SNAPC4: variants seen among roughly 807,000 people sequenced by gnomAD.
The protein encoded by SNAPC4 is snRNA-activating protein complex subunit 4.
In SNAPC4, 127 loss-of-function variants were observed where a neutral mutation model predicts 151.3. The observed-to-expected ratio is 0.84, with a 90% CI of 0.73 to 0.97. The LOEUF (loss-of-function observed/expected upper bound fraction) is 0.97, where lower values mean the gene tolerates loss of function less well. SNAPC4 is among the 50% of genes least tolerant of loss of function. SNAPC4 has a pLI of 0.00. For missense variants in SNAPC4, 2,186 were observed against 1,935.0 expected (o/e 1.13, Z -2.43); for synonymous variants, 1,002 against 824.4 (o/e 1.22, Z -3.69).
chr9:136,384,776 C>T lies in SNAPC4; in HGVS notation c.1364G>A (p.Arg455Gln), dbSNP rs1036022594. Residue 455 changes from arginine (R) to glutamine (Q), a missense_variant, in exon 14 of 24, where the codon CGG becomes CAG. Arg to Gln is a conservative substitution (Grantham distance 43). Coordinates refer to ENST00000684778, the MANE Select transcript of SNAPC4 (RefSeq NM_003086.4). ...RRLHFSLKKG[R>Q]WNLKEEEQLI... The stretch of plus-strand genomic sequence containing the variant: ...CTGTTCCTCTTCTTTTAAATTCCAC[C>T]GACCCTTTTTCAAGCTGAAATGTAA... 6 of 1,596,532 alleles carry T rather than the reference C, an allele frequency of 3.8e-6. No homozygotes were observed. Among genetic ancestry groups the T allele is most frequent in the Admixed American group, 1.7e-5 (1 of 58,180 alleles).
At chr9:136,394,156 C>T in intron 7 of SNAPC4, 93 bp downstream of exon 7, 1 of 1,003,520 alleles carries the variant, frequency 1.0e-6, no homozygotes, top group East Asian at 2.4e-5. Flanking sequence ...TTCAAGAGAT[C>T]CTCCTGCCTT....
chr9:136,378,456 C>A lies in SNAPC4; in HGVS notation c.3371G>T (p.Gly1124Val). The change falls in exon 22 of 24, where the codon GGC (glycine) becomes GTC (valine). Residue 1124 changes from glycine (G) to valine (V), a missense_variant. Transcript: ENST00000684778. The part of the protein sequence containing the change: ...PPLTETRAAQ[G>V]PRAPALSSSW... ...GCTGCTCAACGCTGGGGCCCTGGGG[C>A]CCTGGGCCGCCCGAGTCTCAGTCAG... 6.3e-7 allele frequency: 1 copy of A among 1,588,194 alleles called. No individual in the cohort carries two copies. The highest frequency in any genetic ancestry group is 8.5e-7 in the Non-Finnish European group (1 of 1,171,730).
At position 136,376,373 on chromosome 9, in the gene SNAPC4, G is replaced by A. The variant is rs200198458; in HGVS notation, c.4393C>T (p.Arg1465Trp). The A allele has an allele frequency of 2.6e-5, 42 of 1,613,258 alleles. No individual in the cohort carries two copies. Among genetic ancestry groups the A allele is most frequent in the South Asian group, 3.3e-5 (3 of 91,088 alleles). The change falls in exon 23 of 24, where the codon CGG becomes TGG. Residue 1465 changes from arginine (R) to tryptophan (W), a missense_variant. By Grantham distance (101) the Arg-to-Trp change is moderately radical (BLOSUM62 -3). Transcript: ENST00000684778. Reference protein sequence around the residue: ...RTRHARHTRKRRRLV With the variant: ...RTRHARHTRKWRRLV ...CCTGCTGCTCACACCAGCCGCCTCC[G>A]CTTCCGGGTGTGCCTGGCATGCCGG... is the stretch of plus-strand genomic sequence containing the variant.
intron 7 of SNAPC4, 45 bp from the exon 8 acceptor site, chr9:136,392,822 C>T (rs373333297): frequency 1.1e-5 from 16 of 1,519,480 alleles, no homozygotes; most frequent in East Asian, 2.3e-5. Context: ...ACGAGGGCTG[C>T]GGGGCGGGGC....
rs578050291 is a variant in SNAPC4 at position 136,387,975 on chromosome 9, G to T, written c.1124-127C>A. On this transcript the variant is annotated intron_variant, in intron 11 of 23. Coordinates refer to ENST00000684778, the MANE Select transcript of SNAPC4 (RefSeq NM_003086.4). ...CCCTCCAGATGGGTCACATAGAAAA[G>T]AATCACTTTGGCCAGGTGCAGTGGC... 4.6e-6 allele frequency: 3 copies of T among 657,894 alleles called. No homozygotes were observed. The East Asian group carries it at 8.0e-5, about 17-fold the overall frequency. The allele number at this position is 657,894 out of a possible 1,614,324, so 40.8% of individuals were successfully genotyped here.
In SNAPC4 at chr9:136,383,596, CGCTGCTGCT is replaced by C. The variant is rs1833786316; in HGVS notation, c.1564_1572del (p.Ser522_Ser524del). 22 of 1,611,552 alleles carry C rather than the reference CGCTGCTGCT, an allele frequency of 1.4e-5. No homozygotes were observed. The highest frequency in any genetic ancestry group is 1.8e-5 in the Non-Finnish European group (21 of 1,179,348). On this transcript the variant is annotated inframe_deletion, in exon 16 of 24. Transcript: ENST00000684778. This position sits in a 1 kb window ranked among gnomAD's most constrained non-coding sequence, Gnocchi z 4.2. ...CCTCCACTGCTGCCACTGCTGCTGC[CGCTGCTGCT>C]GGTAGAGCTCCACCGGACGCTGTGA...
At chr9:136,389,750 G>T (rs997653117) in intron 10 of SNAPC4, among the ~76,000 whole-genome samples, 4 of 152,182 alleles carry the variant, frequency 2.6e-5, no homozygotes, top group Non-Finnish European at 5.9e-5. Flanking sequence ...CAAAGGACTG[G>T]GGGGTGGGGC....
At chr9:136,397,076 G>C (rs892799443) in intron 2 of SNAPC4, 53 bp from the exon 3 acceptor site, 7 of 1,510,660 alleles carry the variant, frequency 4.6e-6, no homozygotes, top group African/African-American at 4.1e-5. Flanking sequence ...TGGGCAGGGT[G>C]GGGGCGCAGC....
Position 136,378,371 on chromosome 9 carries a change from G to A in SNAPC4, c.3456C>T (p.Thr1152=), listed in dbSNP as rs764545809. 4.3e-6 allele frequency: 7 copies of A among 1,611,184 alleles called. No individual in the cohort carries two copies. The African/African-American group carries it at 5.3e-5, about 12-fold the overall frequency. Residue 1152 remains threonine (T), a synonymous_variant, in exon 22 of 24, where the codon ACC becomes ACT. Coordinates refer to ENST00000684778, the MANE Select transcript of SNAPC4 (RefSeq NM_003086.4). ...REPEPSCRTD[T]PAPPTHALSQ... ...AGAGGGCGTGTGTGGGAGGAGCTGG[G>A]GTGTCTGTCCTGCAGGAAGGCTCCG...
intron 18 of SNAPC4, 77 bp downstream of exon 18, chr9:136,381,747 C>T: frequency 1.3e-6 from 2 of 1,521,484 alleles, no homozygotes; most frequent in Admixed American, 1.9e-5. Context: ...CAAGTAGCCA[C>T]CGTCTGCTAG....
At position 136,395,618 on chromosome 9, in the gene SNAPC4, C is replaced by T; in HGVS notation, c.330G>A (p.Gln110=). The T allele has an allele frequency of 6.2e-7, 1 of 1,611,786 alleles. No homozygotes were observed. Residue 110 remains glutamine, a synonymous_variant, in exon 4 of 24, where the codon CAG becomes CAA. Coordinates refer to ENST00000684778, the MANE Select transcript of SNAPC4 (RefSeq NM_003086.4). ...CCCATCCCACCTGCTGCTCCCGGTT[C>T]TGGGCCAGCAGCAGGTTGGCCTCAG... ...KLAEANLLLA[Q]NREQQEELMR...
At position 136,378,269 on chromosome 9, in the gene SNAPC4, C is replaced by T; in HGVS notation, c.3558G>A (p.Glu1186=). 1 of 1,606,396 alleles carries T rather than the reference C, an allele frequency of 6.2e-7. No homozygotes were observed. The highest frequency in any genetic ancestry group is 8.5e-7 in the Non-Finnish European group (1 of 1,177,150). Residue 1186 remains glutamate (E), a synonymous_variant, in exon 22 of 24, where the codon GAG becomes GAA. Coordinates refer to ENST00000684778, the MANE Select transcript of SNAPC4 (RefSeq NM_003086.4). The part of the protein sequence containing the change: ...GEAQVAREIP[E]PRTSSHADPP... ...GGTCAGCGTGGGAGGACGTCCTGGG[C>T]TCAGGTATCTCCCTGGCCACCTGGG...
In SNAPC4 at chr9:136,376,486, A is replaced by G; in HGVS notation, c.4285-5T>C. On this transcript the variant is annotated splice_polypyrimidine_tract_variant and splice_region_variant and intron_variant, in intron 22 of 23. Transcript: ENST00000684778. ...TTTACCAGAGTCTGGGGCTCCCTGAAAGAAAATCCAGGCAGTGGGGACAAG... is the reference window on the plus strand; with the variant it reads ...TTTACCAGAGTCTGGGGCTCCCTGAGAGAAAATCCAGGCAGTGGGGACAAG... 1.2e-6 allele frequency: 2 copies of G among 1,612,870 alleles called. No homozygotes were observed. The highest frequency in any genetic ancestry group is 1.7e-6 in the Non-Finnish European group (2 of 1,179,712).
intron 7 of SNAPC4, among the ~76,000 whole-genome samples, chr9:136,394,042 C>T (rs1393091549): frequency 1.3e-5 from 2 of 152,230 alleles, no homozygotes; most frequent in African/African-American, 2.4e-5. Context: ...CTCAGCCTCC[C>T]GAGTAGCTGG....
At chr9:136,389,370 G>C (rs1385210682) in intron 10 of SNAPC4, among the ~76,000 whole-genome samples, 1 of 152,080 alleles carries the variant, frequency 6.6e-6, no homozygotes, top group East Asian at 1.9e-4. Flanking sequence ...CGTGCTGTGA[G>C]GTTTGCTTTT....
intron 16 of SNAPC4, 92 bp from the exon 17 acceptor site, chr9:136,382,428 C>T: frequency 9.3e-7 from 1 of 1,079,296 alleles, no homozygotes; most frequent in Non-Finnish European, 1.4e-6. Flanking sequence ...TGCCTCTTCA[C>T]CCAGGCTCCA....
In SNAPC4 at chr9:136,377,528, G is replaced by A. The variant is rs772367708; in HGVS notation, c.4284+15C>T. The A allele has an allele frequency of 2.3e-5, 35 of 1,502,502 alleles. 1 individual carries two copies. In the East Asian group the frequency reaches 3.9e-4, roughly 17 times the overall value. 93.1% of individuals were successfully genotyped at this position (1,502,502 alleles called of 1,614,324 possible). A position where few individuals can be genotyped will look rare whatever the true frequency, so the allele number is the denominator to read the frequency against. On this transcript the variant is annotated intron_variant, in intron 22 of 23. Transcript: ENST00000684778. ...CCGCCTGCCATGGGGAAGTGGGGCT[G>A]GGCGCCCACCCTACCTGAATGGGGC...
At chr9:136,381,149 G>A (rs771338979) in intron 19 of SNAPC4, among the ~76,000 whole-genome samples, 173 bp downstream of exon 19, 7 of 152,208 alleles carry the variant, frequency 4.6e-5, no homozygotes, top group Non-Finnish European at 8.8e-5. Flanking sequence ...CACTGTAGCC[G>A]GCACCCCTTC....
rs1834193916 is a variant in SNAPC4 at position 136,394,560 on chromosome 9, G to A, written c.551-230C>T. Among the ~76,000 whole-genome samples, 3 of 152,366 alleles carry A rather than the reference G, an allele frequency of 2.0e-5. No homozygotes were observed. The South Asian group carries it at 6.2e-4, about 32-fold the overall frequency. ...CTTTGCGGCCCAAGACAAGGGCGGGGAGACTGAGCCAGAGGGTGGGGTGCG... is the reference window on the plus strand; with the variant it reads ...CTTTGCGGCCCAAGACAAGGGCGGGAAGACTGAGCCAGAGGGTGGGGTGCG... On this transcript the variant is annotated intron_variant, in intron 6 of 23. Coordinates refer to ENST00000684778, the MANE Select transcript of SNAPC4 (RefSeq NM_003086.4).
Sources: allele counts gnomAD v4.1 joint callset (sites outside exome capture counted in the v4.1 genomes callset), GRCh38; gene constraint gnomAD v4.1.1; non-coding constraint Gnocchi (gnomAD v3.1); transcripts MANE v1.5; gene names NCBI Gene and HGNC (gene_info 2026-07-23, HGNC 2026-07-21).